ZFAND3: variants seen among roughly 807,000 people sequenced by gnomAD.
ZFAND3 encodes AN1-type zinc finger protein 3.
ZFAND3 carries 10 observed loss-of-function variants against 29.6 expected under a neutral mutation model. The ratio of observed to expected loss-of-function variants is 0.34; its 90% CI spans 0.21 to 0.57. The LOEUF (loss-of-function observed/expected upper bound fraction) is 0.57, where lower values mean the gene tolerates loss of function less well. ZFAND3 is among the 20% of genes least tolerant of loss of function. ZFAND3 has a pLI of 0.86. For synonymous variants in ZFAND3, 128 were observed against 112.6 expected, an observed-to-expected ratio of 1.14 and a Z score of -0.87; for missense variants, 230 against 304.5, an observed-to-expected ratio of 0.76 and a Z score of 1.82.
At chr6:37,977,372 G>C (rs548071976) in intron 2 of ZFAND3, among the ~76,000 whole-genome samples, 1 of 152,288 alleles carries the variant, frequency 6.6e-6, no homozygotes, top group East Asian at 1.9e-4. Flanking sequence ...CACGATCTCA[G>C]CTGACTGCAA....
chr6:38,037,503 TC>T, intron 2 of ZFAND3, among the ~76,000 whole-genome samples: 1 of 152,252 alleles, frequency 6.6e-6, no homozygotes, highest in Non-Finnish European at 1.5e-5. Context: ...TAAAAATTTT[TC>T]CATGACTCGG....
chr6:37,994,559 T>C (rs1762816484), intron 2 of ZFAND3, among the ~76,000 whole-genome samples: 1 of 152,196 alleles, frequency 6.6e-6, no homozygotes, highest in Non-Finnish European at 1.5e-5. Context: ...CGTTGTATGC[T>C]TGGCAGGGTA....
intron 4 of ZFAND3, among the ~76,000 whole-genome samples, chr6:38,090,713 G>A (rs1303088299): frequency 6.6e-6 from 1 of 152,134 alleles, no homozygotes; most frequent in African/African-American, 2.4e-5. Flanking sequence ...TGTTTCCCTG[G>A]AAGAACTTTA....
intron 4 of ZFAND3, among the ~76,000 whole-genome samples, chr6:38,085,989 T>C (rs958418926): frequency 6.6e-6 from 1 of 152,176 alleles, no homozygotes; most frequent in South Asian, 2.1e-4. Context: ...AATTACTGTT[T>C]TGATCAGGTG....
At chr6:37,908,032 A>G (rs1232914161) in intron 1 of ZFAND3, among the ~76,000 whole-genome samples, 1 of 152,168 alleles carries the variant, frequency 6.6e-6, no homozygotes, top group African/African-American at 2.4e-5. Flanking sequence ...TGTCTTCTGT[A>G]GTTCCCACCC....
intron 2 of ZFAND3, among the ~76,000 whole-genome samples, chr6:38,005,374 C>T (rs1383750942): frequency 2.0e-5 from 3 of 152,158 alleles, no homozygotes; most frequent in East Asian, 1.9e-4. Context: ...TAGTTCCTTG[C>T]AATCAAATCT....
In ZFAND3 at chr6:38,154,591, T is replaced by A; in HGVS notation, c.*2202T>A. The A allele has an allele frequency of 1.0e-6, 1 of 963,676 alleles. No individual in the cohort carries two copies. The highest frequency in any genetic ancestry group is 1.2e-6 in the Non-Finnish European group (1 of 809,788). The allele number at this position is 963,676 out of a possible 1,614,324, so 59.7% of individuals were successfully genotyped here. A position where few individuals can be genotyped will look rare whatever the true frequency, so the allele number is the denominator to read the frequency against. Reference sequence around the variant, plus strand: ...CTTGTAACTTTATTCTTTTTTCTCCTGCTGAAAAAAAAAATTAAACCAATC... The same window carrying A: ...CTTGTAACTTTATTCTTTTTTCTCCAGCTGAAAAAAAAAATTAAACCAATC... On this transcript the variant is annotated 3_prime_UTR_variant, in exon 6 of 6. Coordinates refer to ENST00000287218, the MANE Select transcript of ZFAND3 (RefSeq NM_021943.3).
chr6:37,862,091 T>C (rs1436652563), intron 1 of ZFAND3, among the ~76,000 whole-genome samples: 1 of 151,018 alleles, frequency 6.6e-6, no homozygotes, highest in Non-Finnish European at 1.5e-5. Context: ...TTTTTTAAGT[T>C]ATGTTTTGAT....
chr6:37,851,328 A>G (rs1764276572), intron 1 of ZFAND3, among the ~76,000 whole-genome samples: 1 of 151,866 alleles, frequency 6.6e-6, no homozygotes. Context: ...GTTGGATTCC[A>G]GTTTTTTCCC....
At chr6:37,829,511 G>A (rs887115432) in intron 1 of ZFAND3, among the ~76,000 whole-genome samples, 1 of 152,174 alleles carries the variant, frequency 6.6e-6, no homozygotes, top group African/African-American at 2.4e-5. Flanking sequence ...CTCCAGCCTG[G>A]GCAATAGAGT....
chr6:37,845,116 A>G (rs1002628109), intron 1 of ZFAND3, among the ~76,000 whole-genome samples: 2 of 152,156 alleles, frequency 1.3e-5, no homozygotes, highest in Non-Finnish European at 2.9e-5. Context: ...TCCGTGGTCA[A>G]AGCAGTTATG....
At chr6:37,900,887 A>G (rs1260782774) in intron 1 of ZFAND3, among the ~76,000 whole-genome samples, 1 of 152,212 alleles carries the variant, frequency 6.6e-6, no homozygotes, top group Non-Finnish European at 1.5e-5. Context: ...GCCGAGATTC[A>G]GAGTTTAAAA....
chr6:37,822,718 T>G (rs1763689292), intron 1 of ZFAND3, among the ~76,000 whole-genome samples: 1 of 152,194 alleles, frequency 6.6e-6, no homozygotes, highest in Admixed American at 6.5e-5. Flanking sequence ...CACTTTAGCC[T>G]AGACCCACAG....
chr6:38,070,232 G>A (rs1764424847), intron 3 of ZFAND3, among the ~76,000 whole-genome samples: 1 of 151,996 alleles, frequency 6.6e-6, no homozygotes, highest in Admixed American at 6.5e-5. Context: ...AGACTAACCT[G>A]GTCAACATGG....
At chr6:38,112,242 G>A (rs1765334727) in intron 4 of ZFAND3, among the ~76,000 whole-genome samples, 1 of 152,198 alleles carries the variant, frequency 6.6e-6, no homozygotes. Flanking sequence ...GCAGCTCTGT[G>A]TGGGTATATC....
chr6:38,047,788 G>A (rs1581870076), intron 2 of ZFAND3, among the ~76,000 whole-genome samples: 1 of 152,116 alleles, frequency 6.6e-6, no homozygotes, highest in Non-Finnish European at 1.5e-5. Context: ...ATGAAGATAC[G>A]TGGAGCAGAG....
At chr6:37,825,345 T>G (rs1304603462) in intron 1 of ZFAND3, among the ~76,000 whole-genome samples, 1 of 152,204 alleles carries the variant, frequency 6.6e-6, no homozygotes, top group Non-Finnish European at 1.5e-5. Context: ...AATGCTTGCT[T>G]GTGGAGTTTT....
rs1362946909 is a variant in ZFAND3 at position 37,930,935 on chromosome 6, T to G, written c.112+936T>G. ...AGTCCAGTATGAAATGAAGTCAATGTTGATTTGCAGAGATGACTGGGAGTT... is the reference window on the plus strand; with the variant it reads ...AGTCCAGTATGAAATGAAGTCAATGGTGATTTGCAGAGATGACTGGGAGTT... On this transcript the variant is annotated intron_variant, in intron 2 of 5. Coordinates refer to ENST00000287218, the MANE Select transcript of ZFAND3 (RefSeq NM_021943.3). Among the ~76,000 whole-genome samples, 4 of 152,268 alleles carry G rather than the reference T, an allele frequency of 2.6e-5. No individual in the cohort carries two copies. In the East Asian group the frequency reaches 7.7e-4, roughly 29 times the overall value.
chr6:38,045,070 ATTT>A (rs2127457651), intron 2 of ZFAND3, among the ~76,000 whole-genome samples: 1 of 141,748 alleles, frequency 7.1e-6, no homozygotes, highest in Non-Finnish European at 1.5e-5. Context: ...TTATTTATTT[ATTT>A]ATTTATTTAT....
Sources: allele counts gnomAD v4.1 joint callset (sites outside exome capture counted in the v4.1 genomes callset), GRCh38; gene constraint gnomAD v4.1.1; transcripts MANE v1.5; gene names NCBI Gene and HGNC (gene_info 2026-07-23, HGNC 2026-07-21).